The following IL1R1 variants were observed in gnomAD, a reference collection of about 807,000 sequenced individuals.
IL1R1 encodes the protein interleukin 1 receptor type 1.
Under a neutral mutation model 50.2 loss-of-function variants are expected in IL1R1, and 22 were observed. The ratio of observed to expected loss-of-function variants is 0.44; its 90% CI spans 0.31 to 0.63. IL1R1 has a LOEUF of 0.63. Ranked by LOEUF, IL1R1 falls within the 20% of genes least tolerant of loss-of-function variation. The pLI is 0.07. For missense variants in IL1R1, 509 were observed against 676.2 expected (o/e 0.75, Z 2.74); for synonymous variants, 251 against 236.7 (o/e 1.06, Z -0.55).
intron 1 of IL1R1, among the ~76,000 whole-genome samples, chr2:102,074,832 A>AT (rs1222543472): frequency 6.6e-6 from 1 of 152,130 alleles, no homozygotes; most frequent in Non-Finnish European, 1.5e-5. Context: ...GGATTTGGTG[A>AT]TTTTTATTTT....
intron 1 of IL1R1, among the ~76,000 whole-genome samples, chr2:102,128,004 C>T (rs774213313): frequency 3.3e-5 from 5 of 152,148 alleles, no homozygotes; most frequent in African/African-American, 7.2e-5. Context: ...GATTTCAATT[C>T]TCGACAGTTC....
At chr2:102,176,057 G>A (rs1387927989) in intron 11 of IL1R1, 2 of 452,548 alleles carry the variant, frequency 4.4e-6, no homozygotes, top group Non-Finnish European at 7.8e-6. Flanking sequence ...AGTGGCTCAT[G>A]CCTTTTATCT....
intron 1 of IL1R1, among the ~76,000 whole-genome samples, chr2:102,111,559 G>A (rs529039229): frequency 3.3e-5 from 5 of 152,302 alleles, no homozygotes; most frequent in Non-Finnish European, 5.9e-5. Context: ...CCCTGTGCTA[G>A]GTGCTGGGGA....
Position 102,164,883 on chromosome 2 carries a change from G to T in IL1R1, c.171G>T (p.Trp57Cys), listed in dbSNP as rs1345298159. 6.2e-7 allele frequency: 1 copy of T among 1,614,028 alleles called. No homozygotes were observed. Among genetic ancestry groups the T allele is most frequent in the African/African-American group, 1.3e-5 (1 of 75,022 alleles). ...NPNEHKGTITWYKDDSKTPVS... is the reference protein window; with the variant it reads ...NPNEHKGTITCYKDDSKTPVS... ...ATGAACACAAAGGCACTATAACTTG[G>T]TATAAAGATGACAGCAAGACACCTG... is the stretch of plus-strand genomic sequence containing the variant. Residue 57 changes from tryptophan to cysteine, a missense_variant, in exon 4 of 12, where the codon TGG becomes TGT. By Grantham distance (215) the Trp-to-Cys change is radical. Transcript: ENST00000410023.
chr2:102,083,727 C>T (rs1367376882), intron 1 of IL1R1, among the ~76,000 whole-genome samples: 5 of 152,196 alleles, frequency 3.3e-5, no homozygotes, highest in East Asian at 1.9e-4. Flanking sequence ...AGGTGGATCA[C>T]GAGGTCAGGA....
chr2:102,118,534 T>C (rs1406341065), intron 1 of IL1R1, among the ~76,000 whole-genome samples: 1 of 152,124 alleles, frequency 6.6e-6, no homozygotes, highest in East Asian at 1.9e-4. Context: ...GCACTTGTAT[T>C]TGGTATCTGA....
At chr2:102,134,688 C>T (rs932752246) in intron 1 of IL1R1, among the ~76,000 whole-genome samples, 3 of 152,154 alleles carry the variant, frequency 2.0e-5, no homozygotes, top group African/African-American at 7.2e-5. Flanking sequence ...TGCATCACTA[C>T]TTTCAAGAAG....
intron 2 of IL1R1, among the ~76,000 whole-genome samples, chr2:102,154,327 G>A (rs1286792207): frequency 1.3e-5 from 2 of 152,240 alleles, no homozygotes; most frequent in Non-Finnish European, 2.9e-5. Flanking sequence ...ACCCCTTCCA[G>A]GCCTTGCTGT....
In IL1R1 at chr2:102,179,213, G is replaced by A. The variant is rs201706774; in HGVS notation, c.*2454G>A. On this transcript the variant is annotated 3_prime_UTR_variant, in exon 12 of 12. Coordinates refer to ENST00000410023, the MANE Select transcript of IL1R1 (RefSeq NM_000877.4). ...TCCAGAAAATGTGTCAGCATGCATA[G>A]TGCTAAGAAAGCAAGCCAATTTGGA... 6.6e-5 allele frequency: 10 copies of A among 152,306 alleles called. No homozygotes were observed. Among genetic ancestry groups the A allele is most frequent in the Non-Finnish European group, 1.5e-4 (10 of 68,044 alleles). 9.4% of individuals were successfully genotyped at this position (152,306 alleles called of 1,614,324 possible). A position where few individuals can be genotyped will look rare whatever the true frequency, so the allele number is the denominator to read the frequency against.
At chr2:102,126,945 G>C (rs1439770401) in intron 1 of IL1R1, among the ~76,000 whole-genome samples, 1 of 152,202 alleles carries the variant, frequency 6.6e-6, no homozygotes, top group Non-Finnish European at 1.5e-5. Flanking sequence ...AGTAGGTTCA[G>C]TTCTCTTCCC....
intron 1 of IL1R1, among the ~76,000 whole-genome samples, chr2:102,123,268 T>C (rs1281955078): frequency 6.6e-6 from 1 of 152,236 alleles, no homozygotes; most frequent in East Asian, 1.9e-4. Context: ...TGAAATTGTG[T>C]TTGTGTCTTA....
intron 7 of IL1R1, among the ~76,000 whole-genome samples, chr2:102,170,149 A>G (rs1205416684): frequency 6.6e-6 from 1 of 152,254 alleles, no homozygotes; most frequent in Non-Finnish European, 1.5e-5. Context: ...GTGGATCAGA[A>G]GCATATAGTA....
At chr2:102,104,238 C>G (rs912908288), upstream of IL1R1, among the ~76,000 whole-genome samples, 1 of 152,086 alleles carries the variant, frequency 6.6e-6, no homozygotes, top group Non-Finnish European at 1.5e-5. Flanking sequence ...AATAAAGAGT[C>G]CTGCAGCATT....
At chr2:102,114,501 C>T (rs1680958538) in intron 1 of IL1R1, among the ~76,000 whole-genome samples, 2 of 150,708 alleles carry the variant, frequency 1.3e-5, no homozygotes, top group South Asian at 4.2e-4. Context: ...CCATGACAAC[C>T]TCTTTGAATA....
intron 10 of IL1R1, 67 bp from the exon 11 acceptor site, chr2:102,175,411 G>T: frequency 8.2e-7 from 1 of 1,223,168 alleles, no homozygotes. Flanking sequence ...GAATGTTTGT[G>T]ATACTGACTT....
chr2:102,074,375 G>GA (rs778402309), intron 1 of IL1R1, among the ~76,000 whole-genome samples: 4 of 115,520 alleles, frequency 3.5e-5, no homozygotes, highest in Admixed American at 8.0e-5. Flanking sequence ...GCTGGGCTCA[G>GA]ATGGCAAGCT....
At chr2:102,132,168 C>T (rs962201744) in intron 1 of IL1R1, among the ~76,000 whole-genome samples, 1 of 151,590 alleles carries the variant, frequency 6.6e-6, no homozygotes, top group African/African-American at 2.4e-5. Flanking sequence ...AACAGACCTG[C>T]ACTACAAAAA....
chr2:102,133,137 G>A (rs767208309), intron 1 of IL1R1, among the ~76,000 whole-genome samples: 65 of 151,616 alleles, frequency 4.3e-4, no homozygotes, highest in Non-Finnish European at 9.1e-4. Flanking sequence ...CCAGCTACTA[G>A]GGAGGCTGAG....
In IL1R1 at chr2:102,174,588, C is replaced by T. The variant is rs1317156654; in HGVS notation, c.993C>T (p.Val331=). The change falls in exon 10 of 12, where the codon GTC becomes GTT. Residue 331 remains valine, a splice_region_variant and synonymous_variant. Transcript: ENST00000410023. ...CCTTTTTTTTTCTTTTTGCTATAGT[C>T]ACTAATTTCCAGAAGCACATGATTG... ...DAAYIQLIYP[V]TNFQKHMIGI... 2.6e-6 allele frequency: 4 copies of T among 1,552,468 alleles called. No homozygotes were observed. The African/African-American group carries it at 4.2e-5, about 16-fold the overall frequency.
Sources: allele counts gnomAD v4.1 joint callset (sites outside exome capture counted in the v4.1 genomes callset), GRCh38; gene constraint gnomAD v4.1.1; transcripts MANE v1.5; gene names NCBI Gene and HGNC (gene_info 2026-07-23, HGNC 2026-07-21).